ITK: variants seen among roughly 807,000 people sequenced by gnomAD.
ITK encodes tyrosine-protein kinase ITK/TSK.
ITK carries 45 observed loss-of-function variants against 87.6 expected under a neutral mutation model. The observed-to-expected ratio is 0.51, with a 90% CI of 0.40 to 0.66. The LOEUF (loss-of-function observed/expected upper bound fraction) is 0.66, where lower values mean the gene tolerates loss of function less well. ITK is among the 30% of genes least tolerant of loss of function. The pLI, the probability that ITK is intolerant of heterozygous loss-of-function variation, is 0.00. For missense variants in ITK, 605 were observed against 766.3 expected, an observed-to-expected ratio of 0.79 and a Z score of 2.48; for synonymous variants, 303 against 273.6, an observed-to-expected ratio of 1.11 and a Z score of -1.06.
chr5:157,251,358 A>T (rs553454490), intron 16 of ITK, among the ~76,000 whole-genome samples: 67 of 152,266 alleles, frequency 4.4e-4, no homozygotes, highest in African/African-American at 1.6e-3. Context: ...TTGTTTACTT[A>T]TTGTTGAGTT....
intron 1 of ITK, among the ~76,000 whole-genome samples, chr5:157,198,747 G>A (rs1204516915): frequency 2.6e-5 from 4 of 152,116 alleles, no homozygotes; most frequent in Non-Finnish European, 5.9e-5. Context: ...AGACAGTAAT[G>A]AGCATATCTT....
At chr5:157,203,654 C>T (rs1302383966) in intron 1 of ITK, among the ~76,000 whole-genome samples, 1 of 152,180 alleles carries the variant, frequency 6.6e-6, no homozygotes, top group East Asian at 1.9e-4. Flanking sequence ...CCGCTGTGCT[C>T]TACTATTTGT....
intron 1 of ITK, among the ~76,000 whole-genome samples, chr5:157,187,512 AC>A (rs953248934): frequency 6.6e-6 from 1 of 152,220 alleles, no homozygotes; most frequent in Non-Finnish European, 1.5e-5. Flanking sequence ...AAGGCAAGTG[AC>A]ATAGGACTTC....
At chr5:157,206,946 A>T (rs549129934) in intron 1 of ITK, among the ~76,000 whole-genome samples, 20 of 152,158 alleles carry the variant, frequency 1.3e-4, no homozygotes, top group Non-Finnish European at 2.4e-4. Context: ...ATTATGACAC[A>T]AATGTATACA....
chr5:157,204,845 A>G (rs1026376167), intron 1 of ITK, among the ~76,000 whole-genome samples: 1 of 152,256 alleles, frequency 6.6e-6, no homozygotes, highest in African/African-American at 2.4e-5. Flanking sequence ...TACTTAAAAA[A>G]CTAAAAACCA....
intron 3 of ITK, among the ~76,000 whole-genome samples, chr5:157,213,257 G>A (rs974851520): frequency 6.6e-6 from 1 of 152,170 alleles, no homozygotes; most frequent in African/African-American, 2.4e-5. Flanking sequence ...GAGAACTCAC[G>A]TATTATCACA....
chr5:157,234,033 T>A (rs989009700), intron 8 of ITK, among the ~76,000 whole-genome samples: 6 of 135,166 alleles, frequency 4.4e-5, no homozygotes, highest in African/African-American at 1.1e-4. Context: ...CAGGCTAGCA[T>A]GTAGTGGCAT....
chr5:157,208,046 A>G (rs190607177), intron 1 of ITK, among the ~76,000 whole-genome samples: 31 of 152,290 alleles, frequency 2.0e-4, no homozygotes, highest in Admixed American at 1.9e-3. Flanking sequence ...CCATAGCTGA[A>G]TTCTCAATGG....
rs1446860394 is a variant in ITK at position 157,217,791 on chromosome 5, C to T, written c.455-76C>T. 2.2e-6 allele frequency: 3 copies of T among 1,335,578 alleles called. No individual in the cohort carries two copies. In the African/African-American group the frequency reaches 4.3e-5, roughly 19 times the overall value. 82.7% of individuals were successfully genotyped at this position (1,335,578 alleles called of 1,614,324 possible). ...CCTGGGCCCTTTTTCTCAGAAAAAC[C>T]CCCTGGCTGCTCACTTCCGGTTGGG... On this transcript the variant is annotated intron_variant, in intron 4 of 16. Coordinates refer to ENST00000422843, the MANE Select transcript of ITK (RefSeq NM_005546.4).
At chr5:157,197,602 T>C (rs1753877254) in intron 1 of ITK, among the ~76,000 whole-genome samples, 1 of 145,306 alleles carries the variant, frequency 6.9e-6, no homozygotes, top group South Asian at 2.2e-4. Flanking sequence ...CATATACTAA[T>C]ACATAATCTC....
rs1208457819 is a variant in ITK, at chr5:157,243,787, G to C, written c.1225G>C (p.Val409Leu). 2 of 1,613,710 alleles carry C rather than the reference G, an allele frequency of 1.2e-6. No homozygotes were observed. Among genetic ancestry groups the C allele is most frequent in the Non-Finnish European group, 1.7e-6 (2 of 1,179,788 alleles). ...SEEDFIEEAE[V>L]MMKLSHPKLV... The stretch of plus-strand genomic sequence containing the variant: ...AGAGGACTTCATAGAGGAGGCTGAA[G>C]TAATGATGTGAGTGCTCAGAACAAG... Residue 409 changes from valine (V) to leucine (L), a missense_variant, in exon 12 of 17, where the codon GTA (valine) becomes CTA (leucine). Transcript: ENST00000422843.
chr5:157,185,241 T>G (rs1279877202), intron 1 of ITK, among the ~76,000 whole-genome samples: 1 of 150,132 alleles, frequency 6.7e-6, no homozygotes, highest in African/African-American at 2.5e-5. Flanking sequence ...TAAAAAGCTA[T>G]CTTTTTTTTT....
At position 157,254,219 on chromosome 5, in the gene ITK, C is replaced by A. The variant is rs1279798636; in HGVS notation, c.*1541C>A. 2 of 229,880 alleles carry A rather than the reference C, an allele frequency of 8.7e-6. No individual in the cohort carries two copies. Among genetic ancestry groups the A allele is most frequent in the East Asian group, 6.2e-5 (1 of 16,182 alleles). 14.2% of individuals were successfully genotyped at this position (229,880 alleles called of 1,614,324 possible). ...GCGAATAGTGTTGCTCTGGCACAGA[C>A]CACTGTGGTTGATGGCATGGCCCTC... On this transcript the variant is annotated 3_prime_UTR_variant, in exon 17 of 17. Transcript: ENST00000422843.
rs780078290 is a variant in ITK, at chr5:157,208,968, C to T, written c.218C>T (p.Pro73Leu). 2 of 1,613,312 alleles carry T rather than the reference C, an allele frequency of 1.2e-6. No individual in the cohort carries two copies. The change falls in exon 2 of 17, where the codon CCA becomes CTA. Residue 73 changes from proline (P) to leucine (L), a missense_variant. Pro to Leu is a moderately conservative substitution (Grantham distance 98). This residue lies in a region of ITK where 464 missense variants were observed against 578.0 expected (regional missense o/e 0.80). Transcript: ENST00000422843. ...ATTGTGAAAAGTGACATCAGCATCCCATGCCACTATAAATACCCGTTTCAG... is the reference window on the plus strand; with the variant it reads ...ATTGTGAAAAGTGACATCAGCATCCTATGCCACTATAAATACCCGTTTCAG... ...VEIVKSDISI[P>L]CHYKYPFQVV... is the part of the protein sequence containing the mutation.
At chr5:157,246,082 C>G in intron 15 of ITK, 83 bp downstream of exon 15, 3 of 925,900 alleles carry the variant, frequency 3.2e-6, no homozygotes, top group Middle Eastern at 3.1e-4. Flanking sequence ...ACAACCCTAC[C>G]CACACTGAAC....
chr5:157,205,142 C>T (rs1394932388), intron 1 of ITK, among the ~76,000 whole-genome samples: 2 of 152,120 alleles, frequency 1.3e-5, no homozygotes, highest in Non-Finnish European at 2.9e-5. Context: ...TGTTATAAGC[C>T]AGTTAATTTG....
chr5:157,248,853 T>G lies in ITK; in HGVS notation c.1637T>G (p.Val546Gly), dbSNP rs1309265847. ...CTGTGCTCACCATTTCTTGTAGGTG[T>G]GCTGATGTGGGAAGTTTTCAGTGAA... ...SSKSDVWSFG[V>G]LMWEVFSEGK... Residue 546 changes from valine (V) to glycine (G), a missense_variant, in exon 16 of 17, where the codon GTG becomes GGG. Coordinates refer to ENST00000422843, the MANE Select transcript of ITK (RefSeq NM_005546.4). 1 of 1,613,960 alleles carries G rather than the reference T, an allele frequency of 6.2e-7. No homozygotes were observed. Among genetic ancestry groups the G allele is most frequent in the East Asian group, 2.2e-5 (1 of 44,886 alleles).
At chr5:157,205,720 A>C (rs1754064217) in intron 1 of ITK, among the ~76,000 whole-genome samples, 1 of 152,214 alleles carries the variant, frequency 6.6e-6, no homozygotes, top group African/African-American at 2.4e-5. Context: ...TCGCCCATTC[A>C]GTATGATGTT....
chr5:157,189,818 A>G (rs1753717953), intron 1 of ITK, among the ~76,000 whole-genome samples: 1 of 152,248 alleles, frequency 6.6e-6, no homozygotes, highest in Admixed American at 6.5e-5. Context: ...ATGTTCATGG[A>G]CCAAATAGTA....
Sources: allele counts gnomAD v4.1 joint callset (sites outside exome capture counted in the v4.1 genomes callset), GRCh38; gene constraint gnomAD v4.1.1; regional missense constraint gnomAD v4.1.1; transcripts MANE v1.5; gene names NCBI Gene and HGNC (gene_info 2026-07-23, HGNC 2026-07-21).